IGSF11: variants seen among roughly 807,000 people sequenced by gnomAD.
IGSF11 encodes the protein immunoglobulin superfamily member 11, also known as CXADR like 1.
In IGSF11, 22 loss-of-function variants were observed where a neutral mutation model predicts 41.0. The observed-to-expected ratio is 0.54, with a 90% CI of 0.38 to 0.77. IGSF11 has a LOEUF of 0.77. IGSF11 is among the 30% of genes least tolerant of loss of function. The pLI, the probability that IGSF11 is intolerant of heterozygous loss-of-function variation, is 0.00. For missense variants in IGSF11, 444 were observed against 530.8 expected, an observed-to-expected ratio of 0.84 and a Z score of 1.61; for synonymous variants, 219 against 201.3, an observed-to-expected ratio of 1.09 and a Z score of -0.74.
chr3:119,007,833 C>T (rs1937610549), intron 1 of IGSF11, among the ~76,000 whole-genome samples: 1 of 152,136 alleles, frequency 6.6e-6, no homozygotes. Flanking sequence ...ATCATGCTTC[C>T]TCCTTTATCA....
chr3:119,086,261 C>T (rs2076671187), intron 1 of IGSF11, among the ~76,000 whole-genome samples: 1 of 152,192 alleles, frequency 6.6e-6, no homozygotes, highest in African/African-American at 2.4e-5. Context: ...ATATATGACT[C>T]ACTGACATTC....
chr3:119,090,004 A>G (rs2107493001), intron 1 of IGSF11, among the ~76,000 whole-genome samples: 1 of 152,328 alleles, frequency 6.6e-6, no homozygotes, highest in South Asian at 2.1e-4. Context: ...CAGCCTGGGC[A>G]ACAGAGCCAC....
chr3:118,930,071 G>T (rs373681293), intron 2 of IGSF11, 41 bp downstream of exon 2: 1 of 1,576,754 alleles, frequency 6.3e-7, no homozygotes. Flanking sequence ...CCTCTGAAAA[G>T]ATTAACCTTT....
At chr3:118,952,410 C>G (rs1944642349) in intron 1 of IGSF11, among the ~76,000 whole-genome samples, 1 of 152,160 alleles carries the variant, frequency 6.6e-6, no homozygotes, top group Admixed American at 6.5e-5. Flanking sequence ...GGAGTCAATC[C>G]TCTCAAATCC....
chr3:119,117,039 ATTAT>A (rs1317979717), intron 1 of IGSF11, among the ~76,000 whole-genome samples: 3 of 152,056 alleles, frequency 2.0e-5, no homozygotes, highest in African/African-American at 7.2e-5. Context: ...TTTGAATGAG[ATTAT>A]TTGAGTACAA....
chr3:118,911,964 T>A (rs1403282301), intron 4 of IGSF11, among the ~76,000 whole-genome samples: 2 of 152,152 alleles, frequency 1.3e-5, no homozygotes, highest in Non-Finnish European at 2.9e-5. Context: ...GAGATAATCA[T>A]CTCTCTTCAC....
At position 119,025,225 on chromosome 3, in the gene IGSF11, C is replaced by T. The variant is rs144406706; in HGVS notation, c.52+9306G>A. On this transcript the variant is annotated intron_variant, in intron 1 of 6. Coordinates refer to ENST00000393775, the MANE Select transcript of IGSF11 (RefSeq NM_001015887.3). ...ATAATTTCTCCACTTTATCTTACTACGAATATTTTCAATACTGGAAACCAT... is the reference window on the plus strand; with the variant it reads ...ATAATTTCTCCACTTTATCTTACTATGAATATTTTCAATACTGGAAACCAT... Among the ~76,000 whole-genome samples, 334 of 152,060 alleles carry T rather than the reference C, an allele frequency of 2.2e-3. 1 individual carries two copies. Among genetic ancestry groups the T allele is most frequent in the Admixed American group, 4.6e-3 (70 of 15,276 alleles).
At chr3:119,044,827 TAA>T (rs1941257322) in intron 1 of IGSF11, among the ~76,000 whole-genome samples, 1 of 152,256 alleles carries the variant, frequency 6.6e-6, no homozygotes, top group South Asian at 2.1e-4. Context: ...GAAGGAGAGA[TAA>T]AGTCTTTTTC....
chr3:119,135,097 A>G (rs532070698), intron 1 of IGSF11, among the ~76,000 whole-genome samples: 11 of 152,310 alleles, frequency 7.2e-5, no homozygotes, highest in South Asian at 2.1e-4. Context: ...AAGATCTAAA[A>G]CCATAAAAAC....
chr3:118,972,934 A>G (rs1218626644), intron 1 of IGSF11, among the ~76,000 whole-genome samples: 1 of 152,216 alleles, frequency 6.6e-6, no homozygotes, highest in East Asian at 1.9e-4. Flanking sequence ...GAACCTGGGT[A>G]AATTCTAGAC....
At chr3:119,081,276 T>A (rs575100108) in intron 1 of IGSF11, among the ~76,000 whole-genome samples, 1 of 152,172 alleles carries the variant, frequency 6.6e-6, no homozygotes, top group Non-Finnish European at 1.5e-5. Flanking sequence ...TATCTTTCCA[T>A]CTGCCTTGCT....
At chr3:118,997,842 A>C (rs1384761659) in intron 1 of IGSF11, among the ~76,000 whole-genome samples, 1 of 152,196 alleles carries the variant, frequency 6.6e-6, no homozygotes, top group Admixed American at 6.5e-5. Flanking sequence ...GATTTCCTAC[A>C]GTACTACACA....
At chr3:119,033,479 A>G (rs561160895) in intron 1 of IGSF11, among the ~76,000 whole-genome samples, 1 of 152,364 alleles carries the variant, frequency 6.6e-6, no homozygotes, top group East Asian at 1.9e-4. Flanking sequence ...CAGCTTCATT[A>G]GTTTCTACGG....
chr3:119,056,168 T>C (rs1941825726), intron 1 of IGSF11, among the ~76,000 whole-genome samples: 2 of 152,004 alleles, frequency 1.3e-5, no homozygotes, highest in Non-Finnish European at 2.9e-5. Flanking sequence ...CTTCAAAAAA[T>C]TAATGAATCC....
intron 1 of IGSF11, among the ~76,000 whole-genome samples, chr3:119,040,041 C>G (rs555693861): frequency 1.5e-4 from 23 of 152,250 alleles, no homozygotes; most frequent in African/African-American, 5.5e-4. Context: ...GACTAGATTG[C>G]CTTTGTAGGA....
chr3:118,982,886 T>A (rs955428473), intron 1 of IGSF11, among the ~76,000 whole-genome samples: 1 of 152,224 alleles, frequency 6.6e-6, no homozygotes, highest in Non-Finnish European at 1.5e-5. Context: ...ATGTCCTATA[T>A]GCATTCAGAA....
At chr3:118,935,391 CACACAT>C (rs556005068) in intron 1 of IGSF11, among the ~76,000 whole-genome samples, 10,190 of 132,304 alleles carry the variant, frequency 0.077, 547 homozygotes, top group Admixed American at 0.17. Context: ...CACACACACA[CACACAT>C]ACACACACAC....
chr3:119,112,291 G>A (rs940132892), intron 1 of IGSF11, among the ~76,000 whole-genome samples: 2 of 152,114 alleles, frequency 1.3e-5, no homozygotes, highest in Admixed American at 6.5e-5. Context: ...AGCAAGCCTG[G>A]GCAATGGTGG....
At chr3:119,068,696 T>A (rs1432612690) in intron 1 of IGSF11, among the ~76,000 whole-genome samples, 1 of 152,164 alleles carries the variant, frequency 6.6e-6, no homozygotes, top group East Asian at 1.9e-4. Context: ...TATTTACTGA[T>A]CTCTGCCAAA....
Sources: allele counts gnomAD v4.1 joint callset (sites outside exome capture counted in the v4.1 genomes callset), GRCh38; gene constraint gnomAD v4.1.1; transcripts MANE v1.5; gene names NCBI Gene and HGNC (gene_info 2026-07-23, HGNC 2026-07-21).